Variants in CEP85L observed in about 807,000 individuals in gnomAD.
CEP85L encodes the protein centrosomal protein of 85 kDa-like.
In CEP85L, 60 loss-of-function variants were observed where a neutral mutation model predicts 100.3. That is an observed-to-expected ratio of 0.60 (90% CI 0.49 to 0.74). CEP85L has a LOEUF of 0.74. Ranked by LOEUF, CEP85L falls within the 30% of genes least tolerant of loss-of-function variation. The pLI, the probability that CEP85L is intolerant of heterozygous loss-of-function variation, is 0.00. For synonymous variants in CEP85L, 319 were observed against 322.7 expected (o/e 0.99, Z 0.12); for missense variants, 973 against 936.2 (o/e 1.04, Z -0.51).
rs1772350052 is a variant in CEP85L at position 118,463,818 on chromosome 6, A to AT, written c.*1586dup. 1 of 152,116 alleles carries AT rather than the reference A, an allele frequency of 6.6e-6. No individual in the cohort carries two copies. The highest frequency in any genetic ancestry group is 2.1e-4 in the South Asian group (1 of 4,838). 9.4% of individuals were successfully genotyped at this position (152,116 alleles called of 1,614,324 possible). A position where few individuals can be genotyped will look rare whatever the true frequency, so the allele number is the denominator to read the frequency against. On this transcript the variant is annotated 3_prime_UTR_variant, in exon 13 of 13. Transcript: ENST00000368491. ...TATAAAATAATCTATTGAGAGCTGTATAGCCAACATTTTAAACTGTGTATC... is the reference window on the plus strand; with the variant it reads ...TATAAAATAATCTATTGAGAGCTGTATTAGCCAACATTTTAAACTGTGTATC...
intron 2 of CEP85L, among the ~76,000 whole-genome samples, chr6:118,618,913 C>T (rs1477819306): frequency 9.9e-5 from 15 of 152,176 alleles, no homozygotes; most frequent in East Asian, 1.9e-4. Context: ...AGATAGGACG[C>T]GTTGGCAAAG....
intron 2 of CEP85L, among the ~76,000 whole-genome samples, chr6:118,623,014 T>A (rs1773552675): frequency 6.6e-6 from 1 of 151,900 alleles, no homozygotes; most frequent in Non-Finnish European, 1.5e-5. Context: ...CCCCTCAGGG[T>A]GGTTAGCGAC....
chr6:118,562,650 C>T (rs1433930443), intron 3 of CEP85L, among the ~76,000 whole-genome samples: 1 of 152,078 alleles, frequency 6.6e-6, no homozygotes, highest in Non-Finnish European at 1.5e-5. Context: ...GGTGAGCTAC[C>T]ATGCTTGGTC....
At chr6:118,516,264 A>G (rs1393776803) in intron 4 of CEP85L, among the ~76,000 whole-genome samples, 2 of 152,324 alleles carry the variant, frequency 1.3e-5, no homozygotes, top group Non-Finnish European at 1.5e-5. Flanking sequence ...TTGGGTATAT[A>G]CCCAGTAATG....
intron 1 of CEP85L, among the ~76,000 whole-genome samples, chr6:118,671,305 T>C (rs984325682): frequency 8.5e-5 from 13 of 152,208 alleles, no homozygotes; most frequent in African/African-American, 2.9e-4. Flanking sequence ...ATTTTCTTTT[T>C]TCTACACTTA....
chr6:118,500,285 C>T (rs994733126), intron 5 of CEP85L, among the ~76,000 whole-genome samples: 2 of 152,080 alleles, frequency 1.3e-5, no homozygotes, highest in Admixed American at 1.3e-4. Context: ...GCCAAAGGGA[C>T]CGTGACCAAC....
At chr6:118,572,653 C>CA (rs1198207743) in intron 2 of CEP85L, among the ~76,000 whole-genome samples, 1 of 152,178 alleles carries the variant, frequency 6.6e-6, no homozygotes, top group Non-Finnish European at 1.5e-5. Flanking sequence ...TTCTAAACCA[C>CA]ACACTGCTAG....
At chr6:118,541,837 C>A (rs928534092) in intron 3 of CEP85L, among the ~76,000 whole-genome samples, 6 of 152,006 alleles carry the variant, frequency 3.9e-5, no homozygotes, top group Non-Finnish European at 8.8e-5. Context: ...TTTACTAATT[C>A]AGAGTTTAAT....
intron 4 of CEP85L, among the ~76,000 whole-genome samples, chr6:118,515,927 G>C (rs1265733906): frequency 6.6e-6 from 1 of 152,098 alleles, no homozygotes; most frequent in African/African-American, 2.4e-5. Context: ...AGGCCCTGGT[G>C]TGTGATATTC....
chr6:118,554,369 A>G (rs1778727482), intron 3 of CEP85L, among the ~76,000 whole-genome samples: 1 of 151,994 alleles, frequency 6.6e-6, no homozygotes, highest in African/African-American at 2.4e-5. Context: ...CTGGTCTCGA[A>G]CTCCTGGGCT....
At chr6:118,495,905 G>C (rs140989945) in intron 5 of CEP85L, among the ~76,000 whole-genome samples, 524 of 152,296 alleles carry the variant, frequency 3.4e-3, no homozygotes, top group Middle Eastern at 6.8e-3. Flanking sequence ...AGGCAACAAG[G>C]CTTGCTTTTG....
intron 3 of CEP85L, chr6:118,559,308 G>C: frequency 3.8e-6 from 2 of 528,108 alleles, no homozygotes; most frequent in South Asian, 4.2e-5. Context: ...TTCAAAATAA[G>C]TGTATAAAAT....
At position 118,666,071 on chromosome 6, in the gene CEP85L, G is replaced by A. The variant is rs1776124239; in HGVS notation, c.-27-13263C>T. ...AAGGAATGTTCCACTCTGGTGCCAA[G>A]TAACAACTTAATATTGGATATTAAA... is the stretch of plus-strand genomic sequence containing the variant. On this transcript the variant is annotated intron_variant, in intron 1 of 13. Transcript: ENST00000368488. 2.0e-5 allele frequency among the ~76,000 whole-genome samples: 3 copies of A among 152,216 alleles called. No homozygotes were observed. In the South Asian group the frequency reaches 6.2e-4, roughly 32 times the overall value.
At chr6:118,502,358 T>C (rs746411073) in intron 5 of CEP85L, 2 of 531,088 alleles carry the variant, frequency 3.8e-6, no homozygotes, top group Non-Finnish European at 7.0e-6. Context: ...CATGCCAAGA[T>C]TACCCATATG....
upstream of CEP85L, chr6:118,651,615 A>G (rs1184705049): frequency 3.0e-6 from 3 of 1,015,856 alleles, no homozygotes; most frequent in Middle Eastern, 4.8e-4. Context: ...CGGCAGAGCC[A>G]GAGCCGGGGC....
At chr6:118,640,617 C>T (rs1363436053) in intron 1 of CEP85L, among the ~76,000 whole-genome samples, 1 of 152,132 alleles carries the variant, frequency 6.6e-6, no homozygotes, top group Non-Finnish European at 1.5e-5. Context: ...ATTCATCCCC[C>T]AGGTTCAAGA....
intron 2 of CEP85L, among the ~76,000 whole-genome samples, chr6:118,567,209 A>ATGTGTG (rs68047463): frequency 1.1e-5 from 1 of 89,684 alleles, no homozygotes; most frequent in African/African-American, 4.3e-5. Context: ...ATATATATGT[A>ATGTGTG]TGTGTGTGTG....
intron 2 of CEP85L, among the ~76,000 whole-genome samples, chr6:118,600,383 C>G (rs1781723771): frequency 7.8e-6 from 1 of 128,896 alleles, no homozygotes; most frequent in African/African-American, 2.9e-5. Flanking sequence ...CGCCATGGAG[C>G]AATCTCAGCT....
chr6:118,631,363 A>G (rs983941952), intron 2 of CEP85L, among the ~76,000 whole-genome samples: 12 of 152,220 alleles, frequency 7.9e-5, no homozygotes, highest in Non-Finnish European at 1.6e-4. Flanking sequence ...TCACTTATAC[A>G]TACATTGCTG....
Sources: gnomAD v4.1 joint callset for allele counts (sites outside exome capture counted in the v4.1 genomes callset) on GRCh38, gnomAD v4.1.1 for gene constraint, MANE v1.5 for transcripts, NCBI Gene and HGNC (gene_info 2026-07-23, HGNC 2026-07-21) for gene names.